SLC9C1: variants seen among roughly 807,000 people sequenced by gnomAD.
SLC9C1 encodes the protein solute carrier family 9 member C1.
In SLC9C1, 97 loss-of-function variants were observed where a neutral mutation model predicts 140.9. The observed-to-expected ratio is 0.69, with a 90% CI of 0.58 to 0.82. The LOEUF is 0.82. SLC9C1 is among the 40% of genes least tolerant of loss of function. SLC9C1 has a pLI of 0.00. For synonymous variants in SLC9C1, 440 were observed against 442.6 expected, an observed-to-expected ratio of 0.99 and a Z score of 0.07; for missense variants, 1,340 against 1,389.3, an observed-to-expected ratio of 0.96 and a Z score of 0.56.
chr3:112,289,992 A>T (rs2080630690), intron 1 of SLC9C1, among the ~76,000 whole-genome samples: 1 of 152,186 alleles, frequency 6.6e-6, no homozygotes, highest in Non-Finnish European at 1.5e-5. Context: ...GGAACTCTAA[A>T]AGCTTTCCAG....
intron 14 of SLC9C1, among the ~76,000 whole-genome samples, chr3:112,219,773 G>A (rs577159002): frequency 6.6e-6 from 1 of 152,106 alleles, no homozygotes; most frequent in South Asian, 2.1e-4. Context: ...TAGAGACAGG[G>A]TTTCACCATA....
intron 13 of SLC9C1, among the ~76,000 whole-genome samples, chr3:112,222,804 A>G (rs554102823): frequency 9.5e-4 from 145 of 152,306 alleles, no homozygotes; most frequent in Middle Eastern, 3.4e-3. Context: ...AAATAATTCT[A>G]CAGGTATCCA....
At position 112,204,246 on chromosome 3, in the gene SLC9C1, T is replaced by G; in HGVS notation, c.2144A>C (p.Gln715Pro). 1 of 1,506,104 alleles carries G rather than the reference T, an allele frequency of 6.6e-7. No homozygotes were observed. Among genetic ancestry groups the G allele is most frequent in the Non-Finnish European group, 8.8e-7 (1 of 1,134,936 alleles). 93.3% of individuals were successfully genotyped at this position (1,506,104 alleles called of 1,614,324 possible). ...TEVIVFIKVV[Q>P]FFRILRIFKL... ...GAAAATGCGTAGTATACGAAAAAATTGAACAACTTTTATAAAGACTATTAC... is the reference window on the plus strand; with the variant it reads ...GAAAATGCGTAGTATACGAAAAAATGGAACAACTTTTATAAAGACTATTAC... Residue 715 changes from glutamine (Q) to proline (P), a missense_variant, in exon 17 of 29, where the codon CAA (glutamine) becomes CCA (proline). Coordinates refer to ENST00000305815, the MANE Select transcript of SLC9C1 (RefSeq NM_183061.3).
At chr3:112,224,498 A>G (rs1341581531) in intron 13 of SLC9C1, among the ~76,000 whole-genome samples, 1 of 152,194 alleles carries the variant, frequency 6.6e-6, no homozygotes, top group African/African-American at 2.4e-5. Flanking sequence ...AAACTCCCTG[A>G]AAAGGAATTT....
intron 28 of SLC9C1, among the ~76,000 whole-genome samples, chr3:112,142,335 A>G (rs965207448): frequency 3.3e-5 from 5 of 152,134 alleles, no homozygotes; most frequent in African/African-American, 9.7e-5. Context: ...ATTGTTAGGT[A>G]TTGTCTTTTA....
At chr3:112,229,060 A>G (rs1187046190) in intron 13 of SLC9C1, among the ~76,000 whole-genome samples, 3 of 152,152 alleles carry the variant, frequency 2.0e-5, no homozygotes, top group Non-Finnish European at 4.4e-5. Context: ...TGTTAAGTGA[A>G]AGAAGTCAGG....
At chr3:112,262,855 A>G in intron 10 of SLC9C1, 69 bp downstream of exon 10, 1 of 1,299,356 alleles carries the variant, frequency 7.7e-7, no homozygotes, top group Non-Finnish European at 9.9e-7. Context: ...ACTACAAAAA[A>G]ACATATATTT....
chr3:112,266,280 G>A lies in SLC9C1; in HGVS notation c.836C>T (p.Ser279Phe). 6.2e-7 allele frequency: 1 copy of A among 1,610,906 alleles called. No homozygotes were observed. The highest frequency in any genetic ancestry group is 8.5e-7 in the Non-Finnish European group (1 of 1,178,832). Residue 279 changes from serine (S) to phenylalanine (F), a missense_variant, in exon 8 of 29, where the codon TCT becomes TTT. By Grantham distance (155) the Ser-to-Phe change is radical (BLOSUM62 -2). Coordinates refer to ENST00000305815, the MANE Select transcript of SLC9C1 (RefSeq NM_183061.3). ...TLAIVGLLLNSTSFKAAIEET... is the reference protein window; with the variant it reads ...TLAIVGLLLNFTSFKAAIEET... ...TTCAATTGCTGCTTTAAAACTTGTA[G>A]AATTTAAAAGAAGTCCCACAATGGC... is the stretch of plus-strand genomic sequence containing the variant.
At chr3:112,255,628 G>C (rs1307393110) in intron 10 of SLC9C1, among the ~76,000 whole-genome samples, 3 of 152,028 alleles carry the variant, frequency 2.0e-5, no homozygotes, top group Non-Finnish European at 4.4e-5. Flanking sequence ...AAATCAAAAA[G>C]AAAGATCTCA....
intron 7 of SLC9C1, among the ~76,000 whole-genome samples, chr3:112,268,704 C>A (rs1425161152): frequency 6.6e-6 from 1 of 151,948 alleles, no homozygotes; most frequent in Non-Finnish European, 1.5e-5. Flanking sequence ...ACCATTTTTT[C>A]TTTTAAAATA....
chr3:112,164,459 G>A (rs948856934), intron 26 of SLC9C1, among the ~76,000 whole-genome samples: 1 of 140,180 alleles, frequency 7.1e-6, no homozygotes, highest in African/African-American at 2.7e-5. Context: ...CTCTTTTAGG[G>A]CAGGCCTGGT....
intron 11 of SLC9C1, among the ~76,000 whole-genome samples, chr3:112,241,114 A>G (rs1421805731): frequency 6.6e-6 from 1 of 152,226 alleles, no homozygotes; most frequent in African/African-American, 2.4e-5. Flanking sequence ...AGAATAATTT[A>G]AAGAGTCATA....
At chr3:112,151,581 T>TTA (rs2074982441) in intron 28 of SLC9C1, 2 of 526,426 alleles carry the variant, frequency 3.8e-6, no homozygotes, top group African/African-American at 3.8e-5. Context: ...CCTGCTAAAT[T>TTA]GAGAGCAGCC....
At chr3:112,169,359 T>C in intron 23 of SLC9C1, 31 bp from the exon 24 acceptor site, 1 of 1,594,148 alleles carries the variant, frequency 6.3e-7, no homozygotes, top group Non-Finnish European at 8.5e-7. Flanking sequence ...TTTGATATTT[T>C]ATTTTGTGCA....
intron 6 of SLC9C1, among the ~76,000 whole-genome samples, chr3:112,273,352 T>C (rs1180041970): frequency 6.6e-6 from 1 of 151,988 alleles, no homozygotes; most frequent in Non-Finnish European, 1.5e-5. Flanking sequence ...AGATGGTGAA[T>C]TGGAAGTACC....
intron 10 of SLC9C1, among the ~76,000 whole-genome samples, chr3:112,250,209 A>G (rs918050344): frequency 3.2e-4 from 48 of 151,968 alleles, no homozygotes; most frequent in African/African-American, 1.1e-3. Flanking sequence ...GATGGTTTCC[A>G]GCTTCATCCA....
Position 112,208,357 on chromosome 3 carries a change from T to G in SLC9C1, c.1807A>C (p.Ile603Leu). Reference sequence around the variant, plus strand: ...TCAGTAAATACTATTGTATGGCATATACGAAAAAAGAAGTATCTGTAAAAC... The same window carrying G: ...TCAGTAAATACTATTGTATGGCATAGACGAAAAAAGAAGTATCTGTAAAAC... ...EGPSKYFFFR[I>L]CHTIVFTEEF... Residue 603 changes from isoleucine to leucine, a missense_variant, in exon 16 of 29, where the codon ATA becomes CTA. By Grantham distance (5) the Ile-to-Leu change is conservative. Coordinates refer to ENST00000305815, the MANE Select transcript of SLC9C1 (RefSeq NM_183061.3). 2 of 1,552,732 alleles carry G rather than the reference T, an allele frequency of 1.3e-6. No individual in the cohort carries two copies. The highest frequency in any genetic ancestry group is 1.7e-6 in the Non-Finnish European group (2 of 1,151,722).
At chr3:112,197,976 C>T (rs1001793062) in intron 20 of SLC9C1, among the ~76,000 whole-genome samples, 6 of 152,018 alleles carry the variant, frequency 3.9e-5, no homozygotes, top group Non-Finnish European at 8.8e-5. Context: ...GGAACACAAC[C>T]CTGCCTATTT....
In SLC9C1 at chr3:112,167,259, A is replaced by G. The variant is rs758979964; in HGVS notation, c.3326T>C (p.Val1109Ala). 5.0e-6 allele frequency: 8 copies of G among 1,610,194 alleles called. No homozygotes were observed. The highest frequency in any genetic ancestry group is 3.3e-4 in the Middle Eastern group (2 of 6,030). The change falls in exon 26 of 29, where the codon GTT becomes GCT. Residue 1109 changes from valine (V) to alanine (A), a missense_variant. Transcript: ENST00000305815. Reference protein sequence around the residue: ...KTFRRNIRKFVPKHKSYLTPG... With the variant: ...KTFRRNIRKFAPKHKSYLTPG... ...TGTAAGATAACTTTTATGTTTAGGA[A>G]CAAACTTTCTAATATTCCTTCTGAA...
Sources: allele counts gnomAD v4.1 joint callset (sites outside exome capture counted in the v4.1 genomes callset), GRCh38; gene constraint gnomAD v4.1.1; transcripts MANE v1.5; gene names NCBI Gene and HGNC (gene_info 2026-07-23, HGNC 2026-07-21).